SRPK1: variants seen among roughly 807,000 people sequenced by gnomAD.
SRPK1 encodes the protein SRSF protein kinase 1.
SRPK1 carries 52 observed loss-of-function variants against 89.5 expected under a neutral mutation model. The observed-to-expected ratio is 0.58, with a 90% CI of 0.46 to 0.73. The LOEUF is 0.73. SRPK1 is among the 30% of genes least tolerant of loss of function. The pLI, the probability that SRPK1 is intolerant of heterozygous loss-of-function variation, is 0.00. For synonymous variants in SRPK1, 255 were observed against 270.2 expected (o/e 0.94, Z 0.55); for missense variants, 603 against 780.6 (o/e 0.77, Z 2.71).
intron 2 of SRPK1, among the ~76,000 whole-genome samples, chr6:35,901,470 A>G (rs1290970384): frequency 1.3e-5 from 2 of 152,174 alleles, no homozygotes; most frequent in African/African-American, 4.8e-5. Context: ...AAAGGAATCA[A>G]CCCTCTGACA....
intron 13 of SRPK1, among the ~76,000 whole-genome samples, chr6:35,856,323 G>A (rs1009285277): frequency 2.0e-5 from 3 of 151,762 alleles, no homozygotes; most frequent in African/African-American, 7.3e-5. Flanking sequence ...TTTCCCCTAT[G>A]TGTCCTGATT....
chr6:35,874,031 G>A (rs1443334423), intron 7 of SRPK1, among the ~76,000 whole-genome samples: 7 of 149,662 alleles, frequency 4.7e-5, no homozygotes, highest in East Asian at 2.0e-4. Context: ...GTTTCACCAT[G>A]TTAGCCAGGA....
chr6:35,908,057 G>C (rs1770887838), intron 2 of SRPK1, among the ~76,000 whole-genome samples: 1 of 152,164 alleles, frequency 6.6e-6, no homozygotes, highest in Non-Finnish European at 1.5e-5. Flanking sequence ...TATGCTTCCT[G>C]TTAAGCCTGT....
intron 6 of SRPK1, among the ~76,000 whole-genome samples, chr6:35,884,772 G>A (rs1254420349): frequency 5.3e-5 from 8 of 152,100 alleles, no homozygotes; most frequent in African/African-American, 1.9e-4. Context: ...AGGCCGAGGC[G>A]GGCAGATCAC....
Position 35,874,335 on chromosome 6 carries a change from G to A in SRPK1, c.483C>T (p.Ile161=), listed in dbSNP as rs1272458783. 1 of 1,610,048 alleles carries A rather than the reference G, an allele frequency of 6.2e-7. No individual in the cohort carries two copies. Among genetic ancestry groups the A allele is most frequent in the Non-Finnish European group, 8.5e-7 (1 of 1,177,472 alleles). ...GCCCCAAAACTTCAAATACCATGCA[G>A]ATATCTAGGAATTCATTAAGGAGGG... ...FKISGVNGTH[I]CMVFEVLGHH... The change falls in exon 7 of 16, where the codon ATC becomes ATT. Residue 161 remains isoleucine, a synonymous_variant. Coordinates refer to ENST00000373825, the MANE Select transcript of SRPK1 (RefSeq NM_003137.5).
At chr6:35,876,168 A>G (rs1302698173) in intron 6 of SRPK1, among the ~76,000 whole-genome samples, 1 of 151,940 alleles carries the variant, frequency 6.6e-6, no homozygotes, top group Non-Finnish European at 1.5e-5. Context: ...CCACAAACAC[A>G]GATCAAAATT....
intron 2 of SRPK1, among the ~76,000 whole-genome samples, chr6:35,912,649 A>G (rs1770994845): frequency 6.6e-6 from 1 of 152,340 alleles, no homozygotes; most frequent in Non-Finnish European, 1.5e-5. Flanking sequence ...GCCAATTTAA[A>G]AATATCCCCA....
At chr6:35,863,467 A>AT (rs1769826883) in intron 12 of SRPK1, among the ~76,000 whole-genome samples, 2 of 151,120 alleles carry the variant, frequency 1.3e-5, no homozygotes, top group Non-Finnish European at 2.9e-5. Context: ...AAAAAAAAAA[A>AT]AAATTAATTA....
chr6:35,861,320 C>T (rs113475124), intron 12 of SRPK1, among the ~76,000 whole-genome samples: 35 of 152,170 alleles, frequency 2.3e-4, no homozygotes, highest in African/African-American at 7.5e-4. Flanking sequence ...ACTAGGGCCT[C>T]GGGCCTGACA....
intron 2 of SRPK1, among the ~76,000 whole-genome samples, chr6:35,899,869 C>G (rs781716097): frequency 6.6e-6 from 1 of 151,712 alleles, no homozygotes; most frequent in Admixed American, 6.6e-5. Flanking sequence ...GGCATGGTAG[C>G]GGGCACCTGT....
chr6:35,853,108 C>T (rs1031777172), intron 13 of SRPK1, among the ~76,000 whole-genome samples: 9 of 152,086 alleles, frequency 5.9e-5, no homozygotes, highest in Admixed American at 3.3e-4. Flanking sequence ...GAGTGGGTGG[C>T]ACATGCCTAT....
At chr6:35,892,680 CAACAACAACGACA>C (rs1269390961) in intron 2 of SRPK1, among the ~76,000 whole-genome samples, 14 of 139,678 alleles carry the variant, frequency 1.0e-4, no homozygotes, top group Middle Eastern at 3.6e-3. Context: ...ACAACAACAA[CAACAACAACGACA>C]ACAACACAAA....
At chr6:35,906,831 G>GA (rs922084084) in intron 2 of SRPK1, among the ~76,000 whole-genome samples, 12 of 149,706 alleles carry the variant, frequency 8.0e-5, no homozygotes, top group East Asian at 7.9e-4. Context: ...AAAACTGTAG[G>GA]AAAAAAAAAC....
At chr6:35,921,001 G>T in intron 1 of SRPK1, 43 bp downstream of exon 1, 7 of 1,519,148 alleles carry the variant, frequency 4.6e-6, no homozygotes, top group Non-Finnish European at 6.2e-6. Flanking sequence ...GCCTCGCCCC[G>T]GCGACCATTG....
intron 3 of SRPK1, among the ~76,000 whole-genome samples, chr6:35,889,873 C>T (rs566860045): frequency 1.2e-4 from 18 of 151,126 alleles, no homozygotes; most frequent in Non-Finnish European, 1.9e-4. Flanking sequence ...CTGAGGCAGA[C>T]GGATCACAAG....
chr6:35,858,835 G>A (rs888896020), intron 12 of SRPK1, among the ~76,000 whole-genome samples: 5 of 152,246 alleles, frequency 3.3e-5, no homozygotes, highest in East Asian at 1.9e-4. Flanking sequence ...CCCAAATGAC[G>A]TAATGTAGCA....
chr6:35,902,011 C>T (rs763934619), intron 2 of SRPK1, among the ~76,000 whole-genome samples: 2 of 151,924 alleles, frequency 1.3e-5, no homozygotes, highest in African/African-American at 4.8e-5. Flanking sequence ...TGACTATACT[C>T]CAAACTCTAC....
At chr6:35,839,796 C>G (rs1394180452) in intron 14 of SRPK1, among the ~76,000 whole-genome samples, 1 of 151,918 alleles carries the variant, frequency 6.6e-6, no homozygotes, top group Non-Finnish European at 1.5e-5. Context: ...TCTTGTGTCT[C>G]AGCCTCCTGA....
chr6:35,905,456 C>T (rs1444653800), intron 2 of SRPK1, among the ~76,000 whole-genome samples: 2 of 151,944 alleles, frequency 1.3e-5, no homozygotes, highest in South Asian at 4.1e-4. Context: ...AAGCAATAAG[C>T]CTAGACGACC....
Sources: allele counts gnomAD v4.1 joint callset (sites outside exome capture counted in the v4.1 genomes callset), GRCh38; gene constraint gnomAD v4.1.1; transcripts MANE v1.5; gene names NCBI Gene and HGNC (gene_info 2026-07-23, HGNC 2026-07-21).